The following COL22A1 variants were observed in gnomAD, a reference collection of about 807,000 sequenced individuals.
The protein encoded by COL22A1 is collagen type XXII alpha 1 chain.
COL22A1 carries 221 observed loss-of-function variants against 248.9 expected under a neutral mutation model. The observed-to-expected ratio is 0.89, with a 90% CI of 0.80 to 0.99. COL22A1 has a LOEUF of 0.99. Among genes scored for constraint, COL22A1 ranks in the 50% least tolerant of loss-of-function variants. The probability of loss-of-function intolerance (pLI) is 0.00; values close to 1 mark genes in which losing one functional copy is unlikely to be tolerated. For synonymous variants in COL22A1, 891 were observed against 793.4 expected (o/e 1.12, Z -2.07); for missense variants, 2,240 against 2,179.0 (o/e 1.03, Z -0.56).
intron 16 of COL22A1, among the ~76,000 whole-genome samples, chr8:138,766,748 T>C (rs1258483089): frequency 6.6e-6 from 1 of 151,464 alleles, no homozygotes; most frequent in African/African-American, 2.4e-5. Flanking sequence ...GCATTCAGAG[T>C]GCGGTCTCAA....
rs1206141801 is a variant in COL22A1 at position 138,601,992 on chromosome 8, C to G, written c.4185+123G>C. ...CAGGAAAAAGTGAACAAAATCACTA[C>G]AGGCGGCATGATCCAGGCGGGTGTT... On this transcript the variant is annotated intron_variant, in intron 60 of 64. Coordinates refer to ENST00000303045, the MANE Select transcript of COL22A1 (RefSeq NM_152888.3). 3.4e-5 allele frequency: 33 copies of G among 956,820 alleles called. No individual in the cohort carries two copies. The Admixed American group carries it at 6.1e-4, about 18-fold the overall frequency. The allele number at this position is 956,820 out of a possible 1,614,324, so 59.3% of individuals were successfully genotyped here.
intron 3 of COL22A1, among the ~76,000 whole-genome samples, chr8:138,862,490 C>T (rs1822557810): frequency 6.6e-6 from 1 of 152,000 alleles, no homozygotes; most frequent in South Asian, 2.1e-4. Context: ...GCTGTGTCCT[C>T]AGAAGGGTCC....
At chr8:138,768,058 G>C (rs1834046119) in intron 16 of COL22A1, among the ~76,000 whole-genome samples, 1 of 152,340 alleles carries the variant, frequency 6.6e-6, no homozygotes, top group East Asian at 1.9e-4. Flanking sequence ...TTCATGCAGA[G>C]AGGGCCTCAG....
Position 138,755,176 on chromosome 8 carries a change from G to C in COL22A1, c.2012C>G (p.Pro671Arg), listed in dbSNP as rs749355032. Residue 671 changes from proline to arginine, a missense_variant, in exon 21 of 65, where the codon CCC (proline) becomes CGC (arginine). Coordinates refer to ENST00000303045, the MANE Select transcript of COL22A1 (RefSeq NM_152888.3). The part of the protein sequence containing the change: ...APGPRGHQGA[P>R]GPPGARGPIG... ...ACTTACCCGAGCTCCTGGAGGACCG[G>C]GGGCGCCTTGGTGACCTCTGGGTCC... The C allele has an allele frequency of 6.2e-7, 1 of 1,614,116 alleles. No homozygotes were observed. The highest frequency in any genetic ancestry group is 1.1e-5 in the South Asian group (1 of 91,072).
At chr8:138,694,586 A>G (rs1827343577) in intron 33 of COL22A1, 25 bp from the exon 34 acceptor site, 2 of 1,612,996 alleles carry the variant, frequency 1.2e-6, no homozygotes, top group African/African-American at 2.7e-5. Context: ...GTTGCCATGA[A>G]CCAGCTCATC....
At chr8:138,753,432 C>T (rs1318767325) in intron 21 of COL22A1, among the ~76,000 whole-genome samples, 1 of 152,154 alleles carries the variant, frequency 6.6e-6, no homozygotes, top group Non-Finnish European at 1.5e-5. Flanking sequence ...TGTACTAAAT[C>T]CCATTCTGTC....
intron 1 of COL22A1, among the ~76,000 whole-genome samples, chr8:138,890,419 AAG>A (rs2132107569): frequency 6.6e-6 from 1 of 152,324 alleles, no homozygotes; most frequent in East Asian, 1.9e-4. Flanking sequence ...CTTGAAAAGG[AAG>A]AGGTAAAATT....
chr8:138,771,152 G>T (rs1369827245), intron 16 of COL22A1, among the ~76,000 whole-genome samples: 3 of 152,194 alleles, frequency 2.0e-5, no homozygotes, highest in African/African-American at 4.8e-5. Context: ...CCTGGTGCAG[G>T]CTGCAGGGAC....
intron 22 of COL22A1, among the ~76,000 whole-genome samples, chr8:138,741,403 A>G (rs2131279965): frequency 1.3e-5 from 2 of 152,350 alleles, no homozygotes; most frequent in South Asian, 4.1e-4. Context: ...TTCCTCTATG[A>G]TATTGTAAGG....
chr8:138,799,659 T>C (rs1299435737), intron 11 of COL22A1, among the ~76,000 whole-genome samples: 1 of 152,202 alleles, frequency 6.6e-6, no homozygotes, highest in East Asian at 1.9e-4. Flanking sequence ...GATTTCTCGG[T>C]CAAACTGTCT....
intron 53 of COL22A1, among the ~76,000 whole-genome samples, chr8:138,618,406 G>A (rs1188742881): frequency 6.6e-6 from 1 of 152,136 alleles, no homozygotes; most frequent in Non-Finnish European, 1.5e-5. Flanking sequence ...TTGACAGATG[G>A]GTCTTGCCCC....
intron 27 of COL22A1, among the ~76,000 whole-genome samples, chr8:138,717,824 T>C (rs991345263): frequency 6.6e-6 from 1 of 152,342 alleles, no homozygotes; most frequent in East Asian, 1.9e-4. Flanking sequence ...AAATCATTGA[T>C]GAAAAGAGCT....
chr8:138,609,600 C>A (rs1224881363), intron 56 of COL22A1, among the ~76,000 whole-genome samples: 1 of 152,202 alleles, frequency 6.6e-6, no homozygotes, highest in African/African-American at 2.4e-5. Flanking sequence ...CTTCTCCCTG[C>A]ACCTTCCTCC....
chr8:138,803,095 G>A (rs1817142223), intron 10 of COL22A1, among the ~76,000 whole-genome samples, 161 bp from the exon 11 acceptor site: 1 of 152,184 alleles, frequency 6.6e-6, no homozygotes, highest in African/African-American at 2.4e-5. Flanking sequence ...CCCTGGAGAG[G>A]AGGAAGCATC....
intron 12 of COL22A1, among the ~76,000 whole-genome samples, chr8:138,793,503 T>C (rs1816244775): frequency 6.6e-6 from 1 of 152,156 alleles, no homozygotes; most frequent in Non-Finnish European, 1.5e-5. Context: ...AGTGACTCAC[T>C]CCAAATCACA....
intron 23 of COL22A1, among the ~76,000 whole-genome samples, chr8:138,731,236 G>A (rs1330199723): frequency 2.0e-5 from 3 of 152,080 alleles, no homozygotes; most frequent in Non-Finnish European, 4.4e-5. Context: ...GGGAGGCAGA[G>A]GTTGCAGTGA....
intron 10 of COL22A1, among the ~76,000 whole-genome samples, chr8:138,803,643 G>C (rs1054926729): frequency 5.3e-5 from 8 of 152,138 alleles, no homozygotes; most frequent in African/African-American, 1.9e-4. Flanking sequence ...CTGTCCAGGA[G>C]GAGAAAGAGA....
chr8:138,672,440 ACTGTT>A (rs1707333759), intron 41 of COL22A1, among the ~76,000 whole-genome samples: 1 of 152,096 alleles, frequency 6.6e-6, no homozygotes, highest in African/African-American at 2.4e-5. Flanking sequence ...TGAAAAAAAA[ACTGTT>A]CTGTTAGGGC....
At chr8:138,883,656 T>C (rs1228898550) in intron 1 of COL22A1, among the ~76,000 whole-genome samples, 2 of 152,112 alleles carry the variant, frequency 1.3e-5, no homozygotes, top group Non-Finnish European at 2.9e-5. Flanking sequence ...GTTCTTATGA[T>C]ATTGAGTGAG....
Sources: gnomAD v4.1 joint callset for allele counts (sites outside exome capture counted in the v4.1 genomes callset) on GRCh38, gnomAD v4.1.1 for gene constraint, MANE v1.5 for transcripts, NCBI Gene and HGNC (gene_info 2026-07-23, HGNC 2026-07-21) for gene names.